Variants in CBFA2T2 observed in about 807,000 individuals in gnomAD.
CBFA2T2 encodes the protein protein CBFA2T2.
In CBFA2T2, 11 loss-of-function variants were observed where a neutral mutation model predicts 62.2. The ratio of observed to expected loss-of-function variants is 0.18; its 90% confidence interval spans 0.11 to 0.29. The LOEUF is 0.29. Among genes scored for constraint, CBFA2T2 ranks in the 10% least tolerant of loss-of-function variants. The pLI, the probability that CBFA2T2 is intolerant of heterozygous loss-of-function variation, is 1.00. For synonymous variants in CBFA2T2, 295 were observed against 287.5 expected, an observed-to-expected ratio of 1.03 and a Z score of -0.27; for missense variants, 592 against 774.1, an observed-to-expected ratio of 0.76 and a Z score of 2.79.
At chr20:33,608,102 C>A (rs148274549) in intron 2 of CBFA2T2, among the ~76,000 whole-genome samples, 1 of 152,208 alleles carries the variant, frequency 6.6e-6, no homozygotes, top group African/African-American at 2.4e-5. Context: ...TGAATTTCCA[C>A]GTGCCCTGTA....
rs372362794 is a variant in CBFA2T2 at position 33,591,406 on chromosome 20, C to T, written c.35-15550C>T. ...CAAGAATTGCTTGAACCCGGGAGGC[C>T]GAGGTTGAAGTGAGCCGAGATCCCA... is the stretch of plus-strand genomic sequence containing the variant. On this transcript the variant is annotated intron_variant, in intron 1 of 10. Transcript: ENST00000342704. Among the ~76,000 whole-genome samples the T allele has an allele frequency of 4.7e-4, 62 of 131,158 alleles. No individual in the cohort carries two copies. The East Asian group carries it at 0.013, about 29-fold the overall frequency. 86.0% of individuals were successfully genotyped at this position (131,158 alleles called of 152,430 possible).
At chr20:33,605,433 C>T (rs1343793024) in intron 1 of CBFA2T2, among the ~76,000 whole-genome samples, 2 of 152,074 alleles carry the variant, frequency 1.3e-5, no homozygotes, top group Non-Finnish European at 2.9e-5. Context: ...TTATGGTAAC[C>T]CTGGTCGTAT....
chr20:33,591,641 T>C (rs538550808), intron 1 of CBFA2T2, among the ~76,000 whole-genome samples: 25 of 152,292 alleles, frequency 1.6e-4, no homozygotes, highest in Non-Finnish European at 3.2e-4. Flanking sequence ...TGGGCACATA[T>C]ACCATTTCAT....
intron 1 of CBFA2T2, among the ~76,000 whole-genome samples, chr20:33,531,219 G>A (rs2146869806): frequency 6.6e-6 from 1 of 152,334 alleles, no homozygotes; most frequent in South Asian, 2.1e-4. Context: ...AATATTTGTT[G>A]AAGGGGAAGA....
At chr20:33,621,287 CTTTTTTTT>C (rs199805350) in intron 4 of CBFA2T2, among the ~76,000 whole-genome samples, 19,310 of 84,866 alleles carry the variant, frequency 0.23, 1,602 homozygotes, top group African/African-American at 0.3. Context: ...ATTTTACTGC[CTTTTTTTT>C]TTTTTTTTTT....
chr20:33,627,236 A>T (rs1364283958), intron 6 of CBFA2T2, among the ~76,000 whole-genome samples: 1 of 152,030 alleles, frequency 6.6e-6, no homozygotes. Flanking sequence ...TCTCTACTAA[A>T]AATACAAAAA....
chr20:33,559,172 C>CTTTTTTTTTTTTTTTTTTTTTTTTTTTT (rs376048540), intron 1 of CBFA2T2, among the ~76,000 whole-genome samples: 1 of 87,622 alleles, frequency 1.1e-5, no homozygotes, highest in African/African-American at 5.2e-5. Flanking sequence ...TTTTTCCTTT[C>CTTTTTTTTTTTTTTTTTTTTTTTTTTTT]TTTTTTTTTT....
Position 33,575,542 on chromosome 20 carries a change from C to T in CBFA2T2, c.35-31414C>T, listed in dbSNP as rs187625545. Among the ~76,000 whole-genome samples, 447 of 152,216 alleles carry T rather than the reference C, an allele frequency of 2.9e-3. 2 individuals carry two copies. Among genetic ancestry groups the T allele is most frequent in the Non-Finnish European group, 4.1e-3 (280 of 68,012 alleles). ...TGTCTTAATAGAAAAGATATAGAAACCTTTCTGTACTGTATTGCAGTTAGT... is the reference window on the plus strand; with the variant it reads ...TGTCTTAATAGAAAAGATATAGAAATCTTTCTGTACTGTATTGCAGTTAGT... On this transcript the variant is annotated intron_variant, in intron 1 of 10. Coordinates refer to ENST00000342704, the MANE Select transcript of CBFA2T2 (RefSeq NM_001032999.3).
At chr20:33,568,630 C>T (rs2013434164) in intron 1 of CBFA2T2, among the ~76,000 whole-genome samples, 1 of 152,098 alleles carries the variant, frequency 6.6e-6, no homozygotes, top group African/African-American at 2.4e-5. Context: ...TCTCTTCATC[C>T]GGCCTCGTCT....
chr20:33,582,847 C>T (rs1474130057), intron 1 of CBFA2T2, among the ~76,000 whole-genome samples: 1 of 151,990 alleles, frequency 6.6e-6, no homozygotes, highest in African/African-American at 2.4e-5. Flanking sequence ...GAGCCTGAGG[C>T]AGGAGAATCA....
rs144793325 is a variant in CBFA2T2, at chr20:33,574,272, A to G, written c.35-32684A>G. On this transcript the variant is annotated intron_variant, in intron 1 of 10. Coordinates refer to ENST00000342704, the MANE Select transcript of CBFA2T2 (RefSeq NM_001032999.3). ...CAAGGCAATGGAAAGGTATGTGTGAAACATTCATTTCTAATAGAGGACTAA... is the reference window on the plus strand; with the variant it reads ...CAAGGCAATGGAAAGGTATGTGTGAGACATTCATTTCTAATAGAGGACTAA... The G allele has an allele frequency of 1.2e-4, 197 of 1,610,734 alleles. 1 individual carries two copies. In the African/African-American group the frequency reaches 2.4e-3, roughly 19 times the overall value.
At chr20:33,556,791 G>A (rs2012908028) in intron 1 of CBFA2T2, among the ~76,000 whole-genome samples, 1 of 151,936 alleles carries the variant, frequency 6.6e-6, no homozygotes, top group African/African-American at 2.4e-5. Context: ...GCATTCTAAT[G>A]AAGGAATGCT....
chr20:33,610,350 G>A (rs951620982), intron 2 of CBFA2T2, among the ~76,000 whole-genome samples: 3 of 152,106 alleles, frequency 2.0e-5, no homozygotes, highest in Non-Finnish European at 4.4e-5. Flanking sequence ...GGTTGTTTTC[G>A]AAATTAAAAT....
chr20:33,616,020 G>A (rs1341983020), intron 3 of CBFA2T2, among the ~76,000 whole-genome samples: 2 of 151,900 alleles, frequency 1.3e-5, no homozygotes, highest in African/African-American at 4.8e-5. Context: ...AGGCTGCCAT[G>A]AGCCATGATC....
intron 1 of CBFA2T2, among the ~76,000 whole-genome samples, chr20:33,541,036 C>T (rs1303619322): frequency 6.6e-6 from 1 of 152,152 alleles, no homozygotes; most frequent in Non-Finnish European, 1.5e-5. Flanking sequence ...GTTTAAGATG[C>T]ACTGTGGGAC....
chr20:33,552,480 ATCAGTG>A (rs1600961312), intron 1 of CBFA2T2, among the ~76,000 whole-genome samples: 1 of 152,130 alleles, frequency 6.6e-6, no homozygotes, highest in East Asian at 1.9e-4. Flanking sequence ...GTAAGGGGAA[ATCAGTG>A]TCTCTTGAAA....
intron 1 of CBFA2T2, among the ~76,000 whole-genome samples, chr20:33,501,004 A>G (rs1015932807): frequency 6.6e-6 from 1 of 152,206 alleles, no homozygotes; most frequent in Non-Finnish European, 1.5e-5. Flanking sequence ...AATATAGTAT[A>G]TAGACTATGC....
In CBFA2T2 at chr20:33,647,292, G is replaced by GTTTT; in HGVS notation, c.*2649_*2650insTTTT. The stretch of plus-strand genomic sequence containing the variant: ...TTTTTTATTGTTATTTTGTTTGTTT[G>GTTTT]TTTGTTTTGAGACGGGAGTTTCTCT... On this transcript the variant is annotated 3_prime_UTR_variant, in exon 11 of 11. Coordinates refer to ENST00000342704, the MANE Select transcript of CBFA2T2 (RefSeq NM_001032999.3). 6.6e-6 allele frequency: 1 copy of GTTTT among 152,200 alleles called. No homozygotes were observed. The highest frequency in any genetic ancestry group is 1.9e-4 in the East Asian group (1 of 5,200). The allele number at this position is 152,200 out of a possible 1,614,324, so 9.4% of individuals were successfully genotyped here. A position where few individuals can be genotyped will look rare whatever the true frequency, so the allele number is the denominator to read the frequency against.
At chr20:33,581,572 G>A (rs1468662405) in intron 1 of CBFA2T2, among the ~76,000 whole-genome samples, 2 of 152,042 alleles carry the variant, frequency 1.3e-5, no homozygotes, top group Non-Finnish European at 2.9e-5. Context: ...GTTAGCCTAT[G>A]TTTTAAAACT....
Sources: gnomAD v4.1 joint callset for allele counts (sites outside exome capture counted in the v4.1 genomes callset) on GRCh38, gnomAD v4.1.1 for gene constraint, MANE v1.5 for transcripts, NCBI Gene and HGNC (gene_info 2026-07-23, HGNC 2026-07-21) for gene names.